CA2: variants seen among roughly 807,000 people sequenced by gnomAD.
CA2 encodes the protein carbonic anhydrase 2.
In CA2, 23 loss-of-function variants were observed where a neutral mutation model predicts 27.8. The observed-to-expected ratio is 0.83, with a 90% CI of 0.59 to 1.17. The LOEUF (loss-of-function observed/expected upper bound fraction) is 1.17. Ranked by LOEUF, CA2 falls within the 50% of genes most tolerant of loss-of-function variation. The pLI is 0.00. For missense variants in CA2, 300 were observed against 314.7 expected (o/e 0.95, Z 0.35); for synonymous variants, 99 against 114.9 (o/e 0.86, Z 0.88).
At chr8:85,470,149 A>T (rs1811693496) in intron 2 of CA2, among the ~76,000 whole-genome samples, 1 of 152,150 alleles carries the variant, frequency 6.6e-6, no homozygotes, top group Non-Finnish European at 1.5e-5. Context: ...TTAAACCACG[A>T]CTTCTGTTGA....
chr8:85,474,017 C>T, intron 3 of CA2: 1 of 608,944 alleles, frequency 1.6e-6, no homozygotes, highest in Non-Finnish European at 2.9e-6. Flanking sequence ...TCCAACTCCA[C>T]CATTTGCAAA....
chr8:85,468,086 AAAGGAAGTACTCC>A (rs1243815080), intron 2 of CA2, among the ~76,000 whole-genome samples: 18 of 152,240 alleles, frequency 1.2e-4, no homozygotes, highest in African/African-American at 4.1e-4. Context: ...ATAAGTGCAG[AAAGGAAGTACTCC>A]AAGGAACTAT....
intron 2 of CA2, 144 bp from the exon 3 acceptor site, chr8:85,473,548 AC>A: frequency 1.4e-6 from 1 of 692,456 alleles, no homozygotes; most frequent in Non-Finnish European, 2.7e-6. Flanking sequence ...TTAAAGGCAA[AC>A]ATTTAGTACT....
Position 85,480,852 on chromosome 8 carries a change from G to A in CA2, c.*63G>A. The A allele has an allele frequency of 1.3e-6, 2 of 1,579,378 alleles. No individual in the cohort carries two copies. The highest frequency in any genetic ancestry group is 1.1e-5 in the South Asian group (1 of 89,970). On this transcript the variant is annotated 3_prime_UTR_variant, in exon 7 of 7. Coordinates refer to ENST00000285379, the MANE Select transcript of CA2 (RefSeq NM_000067.3). ...GGGTGTTTCCCTTTAGCTAAGCACA[G>A]ATCTACCTTGGTGATTTGGACCCTG... is the stretch of plus-strand genomic sequence containing the variant.
chr8:85,469,925 G>C (rs1811690420), intron 2 of CA2, among the ~76,000 whole-genome samples: 2 of 152,136 alleles, frequency 1.3e-5, no homozygotes, highest in Non-Finnish European at 2.9e-5. Context: ...GACTTTCAGG[G>C]ACTTGCTTTT....
At position 85,480,762 on chromosome 8, in the gene CA2, C is replaced by T; in HGVS notation, c.756C>T (p.Asn252=). The T allele has an allele frequency of 6.2e-7, 1 of 1,613,892 alleles. No individual in the cohort carries two copies. The highest frequency in any genetic ancestry group is 8.5e-7 in the Non-Finnish European group (1 of 1,179,874). ...DNWRPAQPLK[N]RQIKASFK Reference sequence around the variant, plus strand: ...GGCGCCCAGCTCAGCCACTGAAGAACAGGCAAATCAAAGCTTCCTTCAAAT... The same window carrying T: ...GGCGCCCAGCTCAGCCACTGAAGAATAGGCAAATCAAAGCTTCCTTCAAAT... Residue 252 remains asparagine (N), a synonymous_variant, in exon 7 of 7, where the codon AAC becomes AAT. Transcript: ENST00000285379.
At chr8:85,474,646 G>T (rs1023771471) in intron 4 of CA2, 3 of 540,362 alleles carry the variant, frequency 5.6e-6, no homozygotes, top group Non-Finnish European at 9.9e-6. Context: ...TAAATGTGAA[G>T]AACATAAAGA....
chr8:85,473,796 G>T lies in CA2; in HGVS notation c.336G>T (p.Lys112Asn). 6.4e-7 allele frequency: 1 copy of T among 1,558,668 alleles called. No homozygotes were observed. The highest frequency in any genetic ancestry group is 8.9e-7 in the Non-Finnish European group (1 of 1,129,510). The change falls in exon 3 of 7, where the codon AAG becomes AAT. Residue 112 changes from lysine (K) to asparagine (N), a missense_variant. Physicochemically the swap from Lys to Asn is moderately conservative, Grantham distance 94 (BLOSUM62 0). Transcript: ENST00000285379. ...GTTCAGAGCATACTGTGGATAAAAAGAAATATGCTGCAGAAGTAAGATATA... is the reference window on the plus strand; with the variant it reads ...GTTCAGAGCATACTGTGGATAAAAATAAATATGCTGCAGAAGTAAGATATA... ...GQGSEHTVDK[K>N]KYAAELHLVH...
rs974079466 is a variant in CA2, at chr8:85,473,884, C to G, written c.351+73C>G. 8 of 921,840 alleles carry G rather than the reference C, an allele frequency of 8.7e-6. 1 individual carries two copies. The South Asian group carries it at 1.0e-4, about 12-fold the overall frequency. The allele number at this position is 921,840 out of a possible 1,614,324, so 57.1% of individuals were successfully genotyped here. A position where few individuals can be genotyped will look rare whatever the true frequency, so the allele number is the denominator to read the frequency against. ...TGATATTTAGCATTAATTTCAAAAG[C>G]TTAATTTGTAAATTCAACTCACGCC... On this transcript the variant is annotated intron_variant, in intron 3 of 6. Transcript: ENST00000285379.
At position 85,473,673 on chromosome 8, in the gene CA2, T is replaced by C. The variant is rs1032670234; in HGVS notation, c.233-20T>C. 2 of 1,127,140 alleles carry C rather than the reference T, an allele frequency of 1.8e-6. No homozygotes were observed. The highest frequency in any genetic ancestry group is 2.5e-5 in the South Asian group (2 of 80,428). 69.8% of individuals were successfully genotyped at this position (1,127,140 alleles called of 1,614,324 possible). A position where few individuals can be genotyped will look rare whatever the true frequency, so the allele number is the denominator to read the frequency against. On this transcript the variant is annotated intron_variant, in intron 2 of 6. Coordinates refer to ENST00000285379, the MANE Select transcript of CA2 (RefSeq NM_000067.3). Reference sequence around the variant, plus strand: ...GATACATACATATATGTTACATATATATATATGTTTTAATTTTAGTGCTCA... The same window carrying C: ...GATACATACATATATGTTACATATACATATATGTTTTAATTTTAGTGCTCA...
chr8:85,465,905 C>T (rs16913878), intron 2 of CA2, among the ~76,000 whole-genome samples: 2 of 152,040 alleles, frequency 1.3e-5, no homozygotes, highest in Non-Finnish European at 2.9e-5. Context: ...GTAACAAAAA[C>T]GTGCCAATTT....
rs1811716967 is a variant in CA2, at chr8:85,471,798, AAG to A, written c.233-1894_233-1893del. Among the ~76,000 whole-genome samples the A allele has an allele frequency of 2.0e-5, 3 of 152,024 alleles. No individual in the cohort carries two copies. The South Asian group carries it at 6.2e-4, about 31-fold the overall frequency. On this transcript the variant is annotated intron_variant, in intron 2 of 6. Transcript: ENST00000285379. ...TAATTTTTATATATTATTATGAAAA[AAG>A]GGAATTATTTCATTCTTTTTTAAAA...
intron 2 of CA2, among the ~76,000 whole-genome samples, chr8:85,470,723 A>G (rs1226595536): frequency 2.6e-5 from 4 of 152,104 alleles, no homozygotes; most frequent in Non-Finnish European, 5.9e-5. Context: ...GTTTTGTGTT[A>G]TATACAGAGT....
At chr8:85,475,667 G>A (rs1408625172) in intron 4 of CA2, 131 bp from the exon 5 acceptor site, 6 of 774,092 alleles carry the variant, frequency 7.8e-6, no homozygotes, top group South Asian at 2.9e-5. Flanking sequence ...AGTACTGATG[G>A]GGGTCATGTA....
intron 2 of CA2, 21 bp downstream of exon 2, chr8:85,465,490 T>C (rs1413434347): frequency 6.3e-7 from 1 of 1,597,586 alleles, no homozygotes; most frequent in South Asian, 1.1e-5. Context: ...AGAAAATAAC[T>C]TGTGTCTTTT....
chr8:85,473,278 A>G (rs984560774), intron 2 of CA2: 24 of 385,998 alleles, frequency 6.2e-5, no homozygotes, highest in African/African-American at 4.8e-4. Context: ...TAGCAGACCA[A>G]TTTATTGGCC....
Position 85,465,377 on chromosome 8 carries a change from T to C in CA2, c.140T>C (p.Leu47Pro), listed in dbSNP as rs1177461216. The stretch of plus-strand genomic sequence containing the variant: ...AAGTATGACCCTTCCCTGAAGCCCC[T>C]GTCTGTTTCCTATGATCAAGCAACT... ...TAKYDPSLKP[L>P]SVSYDQATSL... is the part of the protein sequence containing the mutation. The change falls in exon 2 of 7, where the codon CTG becomes CCG. Residue 47 changes from leucine (L) to proline (P), a missense_variant. Around this residue, in one of 3 missense-constraint regions of CA2, gnomAD observed 122 missense variants for 133.2 expected, o/e 0.92. Coordinates refer to ENST00000285379, the MANE Select transcript of CA2 (RefSeq NM_000067.3). The C allele has an allele frequency of 6.2e-7, 1 of 1,614,188 alleles. No homozygotes were observed. The highest frequency in any genetic ancestry group is 8.5e-7 in the Non-Finnish European group (1 of 1,179,998).
chr8:85,473,375 T>TA (rs1261319182), intron 2 of CA2: 2 of 482,694 alleles, frequency 4.1e-6, no homozygotes, highest in African/African-American at 3.9e-5. Context: ...TCTATGACTC[T>TA]AAAACAAACC....
chr8:85,464,056 G>C lies in CA2; in HGVS notation c.-26G>C, dbSNP rs1033318567. The C allele has an allele frequency of 3.2e-6, 5 of 1,544,030 alleles. No homozygotes were observed. The highest frequency in any genetic ancestry group is 4.4e-6 in the Non-Finnish European group (5 of 1,147,720). On this transcript the variant is annotated 5_prime_UTR_variant, in exon 1 of 7. Coordinates refer to ENST00000285379, the MANE Select transcript of CA2 (RefSeq NM_000067.3). Reference sequence around the variant, plus strand: ...CGCCGCCAGATCGGTGCCGATTCCTGCCCTGCCCCGACCGCCAGCGCGACC... The same window carrying C: ...CGCCGCCAGATCGGTGCCGATTCCTCCCCTGCCCCGACCGCCAGCGCGACC...
Sources: allele counts gnomAD v4.1 joint callset (sites outside exome capture counted in the v4.1 genomes callset), GRCh38; gene constraint gnomAD v4.1.1; regional missense constraint gnomAD v4.1.1; transcripts MANE v1.5; gene names NCBI Gene and HGNC (gene_info 2026-07-23, HGNC 2026-07-21).